Variants in ZMIZ1 observed in about 807,000 individuals in gnomAD.
ZMIZ1 encodes the protein zinc finger MIZ domain-containing protein 1.
Under a neutral mutation model 113.9 loss-of-function variants are expected in ZMIZ1, and 17 were observed. The observed-to-expected ratio is 0.15, with a 90% CI of 0.10 to 0.22. The LOEUF (loss-of-function observed/expected upper bound fraction) is 0.22. ZMIZ1 is among the 10% of genes least tolerant of loss of function. The probability of loss-of-function intolerance (pLI) is 1.00; values close to 1 mark genes in which losing one functional copy is unlikely to be tolerated. For missense variants in ZMIZ1, 1,059 were observed against 1,477.8 expected (o/e 0.72, Z 4.65); for synonymous variants, 607 against 603.1 (o/e 1.01, Z -0.09).
chr10:79,166,280 T>G (rs1317630913), intron 4 of ZMIZ1, among the ~76,000 whole-genome samples: 1 of 152,250 alleles, frequency 6.6e-6, no homozygotes, highest in East Asian at 1.9e-4. Context: ...CACTGCTTCT[T>G]GTCATCCTCA....
At chr10:79,148,840 C>T (rs903399962) in intron 3 of ZMIZ1, among the ~76,000 whole-genome samples, 1 of 148,952 alleles carries the variant, frequency 6.7e-6, no homozygotes, top group Non-Finnish European at 1.5e-5. Context: ...CTTAGGGCCA[C>T]AGACTTTAGG....
At chr10:79,195,669 G>C (rs1484666487) in intron 4 of ZMIZ1, among the ~76,000 whole-genome samples, 1 of 152,234 alleles carries the variant, frequency 6.6e-6, no homozygotes, top group African/African-American at 2.4e-5. Flanking sequence ...CCGGTGTGCA[G>C]GGAGCCCAGT....
chr10:79,271,032 C>T (rs1466913411), intron 7 of ZMIZ1, among the ~76,000 whole-genome samples: 2 of 152,186 alleles, frequency 1.3e-5, no homozygotes. Context: ...ATTTTTGCTT[C>T]CTGCATCTCA....
In ZMIZ1 at chr10:79,143,280, C is replaced by T. The variant is rs535419999; in HGVS notation, c.-131+3503C>T. Among the ~76,000 whole-genome samples the T allele has an allele frequency of 2.0e-5, 3 of 152,222 alleles. No individual in the cohort carries two copies. In the East Asian group the frequency reaches 5.8e-4, roughly 29 times the overall value. On this transcript the variant is annotated intron_variant, in intron 3 of 24. Coordinates refer to ENST00000334512, the MANE Select transcript of ZMIZ1 (RefSeq NM_020338.4). ...GCTTTGCCACCCACCAGTAGTATGT[C>T]TTGGGGTGCTGCAGCTGCCCTGTAC...
chr10:79,202,056 C>CAAAAA (rs55985942), intron 5 of ZMIZ1, among the ~76,000 whole-genome samples: 6 of 71,952 alleles, frequency 8.3e-5, no homozygotes, highest in African/African-American at 2.9e-4. Context: ...CAGTCGTTCT[C>CAAAAA]AAAAAAAAAA....
At chr10:79,308,066 A>G (rs1038517469) in intron 23 of ZMIZ1, among the ~76,000 whole-genome samples, 1 of 152,228 alleles carries the variant, frequency 6.6e-6, no homozygotes, top group African/African-American at 2.4e-5. Context: ...TCTGTTTCAC[A>G]CTTATCGACA....
chr10:79,250,031 G>A (rs10824732), intron 7 of ZMIZ1, among the ~76,000 whole-genome samples: 38,701 of 152,188 alleles, frequency 0.25, 5,799 homozygotes, highest in South Asian at 0.43. Flanking sequence ...GGTTGCAGTG[G>A]GGAGTAAATG....
rs780636497 is a variant in ZMIZ1 at position 79,313,831 on chromosome 10, T to C, written c.*1082T>C. Reference sequence around the variant, plus strand: ...GGACACCCACTTCCCTCTGTCCTAGTTCTCTTTGTCCAATCAGATGGCAAG... The same window carrying C: ...GGACACCCACTTCCCTCTGTCCTAGCTCTCTTTGTCCAATCAGATGGCAAG... On this transcript the variant is annotated 3_prime_UTR_variant, in exon 25 of 25. Transcript: ENST00000334512. 5.6e-6 allele frequency: 2 copies of C among 356,470 alleles called. No individual in the cohort carries two copies. Among genetic ancestry groups the C allele is most frequent in the East Asian group, 7.4e-5 (1 of 13,556 alleles). 22.1% of individuals were successfully genotyped at this position (356,470 alleles called of 1,614,324 possible).
chr10:79,274,081 C>G (rs540700897), intron 7 of ZMIZ1, among the ~76,000 whole-genome samples: 1 of 151,694 alleles, frequency 6.6e-6, no homozygotes, highest in Non-Finnish European at 1.5e-5. Context: ...CTCTTAACCA[C>G]TGGTAAGTGG....
intron 1 of ZMIZ1, among the ~76,000 whole-genome samples, chr10:79,091,849 G>T (rs1451006891): frequency 6.6e-6 from 1 of 152,210 alleles, no homozygotes; most frequent in Non-Finnish European, 1.5e-5. Context: ...AAGTGGGGAG[G>T]GAGAGGTGTG....
At chr10:79,220,695 G>A (rs1390046723) in intron 7 of ZMIZ1, among the ~76,000 whole-genome samples, 2 of 152,156 alleles carry the variant, frequency 1.3e-5, no homozygotes, top group Admixed American at 6.5e-5. Flanking sequence ...CTAGCTTCCC[G>A]TGGCTTTCTC....
chr10:79,261,173 C>G (rs1056667370), intron 7 of ZMIZ1, among the ~76,000 whole-genome samples: 3 of 152,170 alleles, frequency 2.0e-5, no homozygotes, highest in African/African-American at 7.2e-5. Context: ...ACCCTGTGGC[C>G]CCGCCGGGTG....
chr10:79,095,026 C>T (rs1843124980), intron 1 of ZMIZ1, among the ~76,000 whole-genome samples: 1 of 151,934 alleles, frequency 6.6e-6, no homozygotes, highest in Non-Finnish European at 1.5e-5. Context: ...AGGCCTGGGG[C>T]CCTTGGACCA....
intron 8 of ZMIZ1, among the ~76,000 whole-genome samples, chr10:79,288,262 C>T (rs1292516859): frequency 1.3e-5 from 2 of 152,208 alleles, no homozygotes; most frequent in African/African-American, 2.4e-5. Flanking sequence ...TGCAGCCCTC[C>T]GCCTCCCTCT....
intron 3 of ZMIZ1, among the ~76,000 whole-genome samples, chr10:79,144,845 C>T (rs1009960830): frequency 2.6e-5 from 4 of 151,974 alleles, no homozygotes; most frequent in African/African-American, 4.8e-5. Flanking sequence ...ATTCAATGTT[C>T]GGTGGGCGGG....
chr10:79,310,620 G>A (rs1444396589), intron 23 of ZMIZ1, among the ~76,000 whole-genome samples: 2 of 151,948 alleles, frequency 1.3e-5, no homozygotes. Context: ...GAGGTGGAGG[G>A]GCCTGGGGGA....
At chr10:79,243,669 C>T (rs1325270002) in intron 7 of ZMIZ1, 3 of 301,100 alleles carry the variant, frequency 1.0e-5, no homozygotes, top group African/African-American at 2.3e-5. Context: ...TCGCTCGCCG[C>T]GGCCGCCGCC....
chr10:79,266,161 G>A (rs1032375360), intron 7 of ZMIZ1, among the ~76,000 whole-genome samples: 17 of 152,202 alleles, frequency 1.1e-4, no homozygotes, highest in African/African-American at 3.6e-4. Context: ...GGCCAGAGAC[G>A]GGAGGAAGTT....
At chr10:79,147,156 C>T (rs1461696902) in intron 3 of ZMIZ1, among the ~76,000 whole-genome samples, 1 of 152,172 alleles carries the variant, frequency 6.6e-6, no homozygotes, top group Non-Finnish European at 1.5e-5. Flanking sequence ...GAGCCCCGAG[C>T]TGGGTCCTAG....
Sources: gnomAD v4.1 joint callset for allele counts (sites outside exome capture counted in the v4.1 genomes callset) on GRCh38, gnomAD v4.1.1 for gene constraint, MANE v1.5 for transcripts, NCBI Gene and HGNC (gene_info 2026-07-23, HGNC 2026-07-21) for gene names.